STAB2: variants seen among roughly 807,000 people sequenced by gnomAD.
The protein encoded by STAB2 is stabilin 2, also known as stabilin-2.
A neutral mutation model predicts 338.1 loss-of-function variants in STAB2; 288 were observed. The observed-to-expected ratio is 0.85, with a 90% CI of 0.77 to 0.94. STAB2 has a LOEUF of 0.94. STAB2 is among the 40% of genes least tolerant of loss of function. STAB2 has a pLI of 0.00. For missense variants in STAB2, 3,141 were observed against 3,210.1 expected, an observed-to-expected ratio of 0.98 and a Z score of 0.52; for synonymous variants, 1,202 against 1,193.3, an observed-to-expected ratio of 1.01 and a Z score of -0.15.
chr12:103,731,152 C>T (rs1881607388), intron 49 of STAB2, among the ~76,000 whole-genome samples: 2 of 152,164 alleles, frequency 1.3e-5, no homozygotes, highest in African/African-American at 4.8e-5. Flanking sequence ...TTCTGGCTGT[C>T]CTGGCTGTCA....
chr12:103,612,314 A>G (rs1315142891), intron 3 of STAB2, among the ~76,000 whole-genome samples: 2 of 152,232 alleles, frequency 1.3e-5, no homozygotes, highest in African/African-American at 2.4e-5. Flanking sequence ...CATCACTTTC[A>G]GGTACACCAA....
chr12:103,646,677 C>T (rs1873361210), intron 9 of STAB2, among the ~76,000 whole-genome samples: 1 of 152,172 alleles, frequency 6.6e-6, no homozygotes, highest in Admixed American at 6.5e-5. Flanking sequence ...ATCTTTGTAG[C>T]TCTCTTACCT....
In STAB2 at chr12:103,706,954, A is replaced by C; in HGVS notation, c.4159A>C (p.Thr1387Pro). 1 of 1,614,242 alleles carries C rather than the reference A, an allele frequency of 6.2e-7. No homozygotes were observed. The highest frequency in any genetic ancestry group is 8.5e-7 in the Non-Finnish European group (1 of 1,180,048). The change falls in exon 38 of 69, where the codon ACC becomes CCC. Residue 1387 changes from threonine (T) to proline (P), a missense_variant. Coordinates refer to ENST00000388887, the MANE Select transcript of STAB2 (RefSeq NM_017564.10). ...GFSGTACETC[T>P]EGKYGIHCDQ... ...CAGCGGCACAGCCTGCGAGACCTGCACCGAGGGCAAGTACGGCATCCACTG... is the reference window on the plus strand; with the variant it reads ...CAGCGGCACAGCCTGCGAGACCTGCCCCGAGGGCAAGTACGGCATCCACTG...
At position 103,689,979 on chromosome 12, in the gene STAB2, TA is replaced by T; in HGVS notation, c.3182del (p.Lys1061SerfsTer6). On this transcript the variant is annotated frameshift_variant and splice_region_variant, in exon 29 of 69. Transcript: ENST00000388887. LOFTEE classifies it high-confidence loss of function. ...WLSQSNIPALIKYHMLLGTYR... is the reference protein window; with the variant it reads ...WLSQSNIPALXKYHMLLGTYR... ...TCACAGAGCAATATTCCAGCCCTAATAAAGTAGGTGTTACTTATTTTATTTT... is the reference window on the plus strand; with the variant it reads ...TCACAGAGCAATATTCCAGCCCTAATAAGTAGGTGTTACTTATTTTATTTT... The T allele has an allele frequency of 6.2e-7, 1 of 1,612,568 alleles. No homozygotes were observed. The highest frequency in any genetic ancestry group is 8.5e-7 in the Non-Finnish European group (1 of 1,179,542).
chr12:103,680,988 G>T (rs1876846772), intron 25 of STAB2, among the ~76,000 whole-genome samples: 1 of 152,238 alleles, frequency 6.6e-6, no homozygotes, highest in South Asian at 2.1e-4. Flanking sequence ...TTGAAGAAAT[G>T]CGATCTTGTG....
rs1483412621 is a variant in STAB2, at chr12:103,689,966, A to T, written c.3166A>T (p.Ile1056Phe). The T allele has an allele frequency of 1.2e-6, 2 of 1,613,590 alleles. No homozygotes were observed. The highest frequency in any genetic ancestry group is 3.3e-5 in the Admixed American group (2 of 59,846). The change falls in exon 29 of 69, where the codon ATT becomes TTT. Residue 1056 changes from isoleucine (I) to phenylalanine (F), a missense_variant. By Grantham distance (21) the Ile-to-Phe change is conservative. Coordinates refer to ENST00000388887, the MANE Select transcript of STAB2 (RefSeq NM_017564.10). ...EKSFWLSQSN[I>F]PALIKYHMLL... Reference sequence around the variant, plus strand: ...AAGCTTCTGGTTGTCACAGAGCAATATTCCAGCCCTAATAAAGTAGGTGTT... The same window carrying T: ...AAGCTTCTGGTTGTCACAGAGCAATTTTCCAGCCCTAATAAAGTAGGTGTT...
At chr12:103,715,911 C>A in intron 43 of STAB2, 23 bp downstream of exon 43, 1 of 1,613,068 alleles carries the variant, frequency 6.2e-7, no homozygotes, top group South Asian at 1.1e-5. Context: ...TCTCCCAGGC[C>A]CTTAGGTTTC....
intron 18 of STAB2, among the ~76,000 whole-genome samples, chr12:103,665,077 T>G (rs912099727): frequency 1.3e-4 from 20 of 152,242 alleles, no homozygotes; most frequent in Non-Finnish European, 2.6e-4. Context: ...GGAAAAGAAC[T>G]TCCTAATAGC....
chr12:103,652,760 C>T, intron 12 of STAB2, 55 bp downstream of exon 12: 1 of 1,454,858 alleles, frequency 6.9e-7, no homozygotes, highest in Non-Finnish European at 9.1e-7. Flanking sequence ...CAAGCCAATG[C>T]CCATATCCTT....
At chr12:103,673,169 G>A (rs1875979720) in intron 22 of STAB2, among the ~76,000 whole-genome samples, 1 of 152,036 alleles carries the variant, frequency 6.6e-6, no homozygotes, top group African/African-American at 2.4e-5. Context: ...TGCCAGCATG[G>A]GAGATCACTT....
Position 103,739,405 on chromosome 12 carries a change from A to G in STAB2, c.5698-7A>G. ...GGTTTTCAAGTGTTTCTTTTCTTGC[A>G]TACTAGGGGGAGTGTGGGAGCTGTG... On this transcript the variant is annotated splice_region_variant and splice_polypyrimidine_tract_variant and intron_variant, in intron 53 of 68. Transcript: ENST00000388887. 2 of 1,577,840 alleles carry G rather than the reference A, an allele frequency of 1.3e-6. No homozygotes were observed. The highest frequency in any genetic ancestry group is 8.6e-7 in the Non-Finnish European group (1 of 1,163,448).
chr12:103,762,290 G>C lies in STAB2; in HGVS notation c.7376G>C (p.Gly2459Ala). ...PPAPVTLTHT[G>A]LGAGIFFAII... The stretch of plus-strand genomic sequence containing the variant: ...TGTGTTCAGACCTTGACCCACACTG[G>C]CTTGGGAGCAGGGATCTTCTTTGCC... The change falls in exon 67 of 69, where the codon GGC (glycine) becomes GCC (alanine). Residue 2459 changes from glycine to alanine, a missense_variant. Physicochemically the swap from Gly to Ala is moderately conservative, Grantham distance 60 (BLOSUM62 0). Coordinates refer to ENST00000388887, the MANE Select transcript of STAB2 (RefSeq NM_017564.10). The C allele has an allele frequency of 6.2e-7, 1 of 1,614,210 alleles. No homozygotes were observed.
chr12:103,700,281 A>G (rs1878750141), intron 34 of STAB2, among the ~76,000 whole-genome samples: 1 of 152,230 alleles, frequency 6.6e-6, no homozygotes, highest in South Asian at 2.1e-4. Context: ...CACAAGAAAA[A>G]TTAAAACAAA....
At position 103,662,985 on chromosome 12, in the gene STAB2, GA is replaced by G. The variant is rs1488990385; in HGVS notation, c.2010del (p.Glu671ArgfsTer2). The G allele has an allele frequency of 1.2e-6, 2 of 1,614,094 alleles. No homozygotes were observed. The highest frequency in any genetic ancestry group is 1.7e-6 in the Non-Finnish European group (2 of 1,179,988). ...CCCCATCGATGTGATGAAACAAAGA[GA>G]GAGATGAAACTGGTAAGAAAACTAG... is the stretch of plus-strand genomic sequence containing the variant. ...ILPHRCDETK[R>X]EMKLGTCVSC... On this transcript the variant is annotated frameshift_variant, in exon 18 of 69. Transcript: ENST00000388887. LOFTEE classifies it high-confidence loss of function.
chr12:103,705,605 G>A (rs1879276544), intron 36 of STAB2, 27 bp from the exon 37 acceptor site: 1 of 1,608,430 alleles, frequency 6.2e-7, no homozygotes, highest in African/African-American at 1.3e-5. Context: ...TAACTTAGGA[G>A]CTGACGTAGT....
Position 103,656,672 on chromosome 12 carries a change from T to C in STAB2, c.1734+1091T>C, listed in dbSNP as rs530396118. 3.9e-4 allele frequency among the ~76,000 whole-genome samples: 56 copies of C among 143,310 alleles called. 2 individuals carry two copies. The South Asian group carries it at 0.012, about 30-fold the overall frequency. The allele number at this position is 143,310 out of a possible 152,430, so 94.0% of individuals were successfully genotyped here. A position where few individuals can be genotyped will look rare whatever the true frequency, so the allele number is the denominator to read the frequency against. On this transcript the variant is annotated intron_variant, in intron 15 of 68. Coordinates refer to ENST00000388887, the MANE Select transcript of STAB2 (RefSeq NM_017564.10). ...TAAGGATATCTTGCTGTCAAAAAAC[T>C]TAGGATTTTTTTTTTTTTTTTTTTT...
rs368701603 is a variant in STAB2, at chr12:103,668,747, G to A, written c.2172+18G>A. On this transcript the variant is annotated intron_variant, in intron 20 of 68. Coordinates refer to ENST00000388887, the MANE Select transcript of STAB2 (RefSeq NM_017564.10). ...CTGTGAAGGTGAGGAGCGCGTGGCC[G>A]AGGCCCAGTCTAGGCCAGTAGGGCC... 1.0e-4 allele frequency: 159 copies of A among 1,531,228 alleles called. 1 individual carries two copies. Among genetic ancestry groups the A allele is most frequent in the Middle Eastern group, 3.6e-4 (2 of 5,592 alleles). The allele number at this position is 1,531,228 out of a possible 1,614,324, so 94.9% of individuals were successfully genotyped here. A position where few individuals can be genotyped will look rare whatever the true frequency, so the allele number is the denominator to read the frequency against.
chr12:103,677,100 G>A (rs560687491), intron 24 of STAB2, among the ~76,000 whole-genome samples: 1 of 152,294 alleles, frequency 6.6e-6, no homozygotes, highest in African/African-American at 2.4e-5. Flanking sequence ...CCGGGTTCAT[G>A]TCTTTTTATA....
At chr12:103,664,985 C>G (rs964897005) in intron 18 of STAB2, among the ~76,000 whole-genome samples, 6 of 152,158 alleles carry the variant, frequency 3.9e-5, no homozygotes, top group African/African-American at 1.4e-4. Flanking sequence ...TCAGATTATT[C>G]AAAAGCTTAT....
Sources: gnomAD v4.1 joint callset for allele counts (sites outside exome capture counted in the v4.1 genomes callset) on GRCh38, gnomAD v4.1.1 for gene constraint, MANE v1.5 for transcripts, NCBI Gene and HGNC (gene_info 2026-07-23, HGNC 2026-07-21) for gene names.